The following CSN1S1 variants were observed in gnomAD, a reference collection of about 807,000 sequenced individuals.
The protein encoded by CSN1S1 is alpha-S1-casein.
In CSN1S1, 63 loss-of-function variants were observed where a neutral mutation model predicts 49.1. The ratio of observed to expected loss-of-function variants is 1.28; its 90% CI spans 1.05 to 1.58. The LOEUF (loss-of-function observed/expected upper bound fraction) is 1.58. Among genes scored for constraint, CSN1S1 ranks in the 40% most tolerant of loss-of-function variants. The pLI is 0.00. For synonymous variants in CSN1S1, 78 were observed against 67.1 expected, an observed-to-expected ratio of 1.16 and a Z score of -0.79; for missense variants, 260 against 224.7, an observed-to-expected ratio of 1.16 and a Z score of -1.01.
intron 2 of CSN1S1, among the ~76,000 whole-genome samples, chr4:69,933,410 C>A (rs1039222582): frequency 6.6e-5 from 10 of 151,996 alleles, no homozygotes; most frequent in African/African-American, 2.4e-4. Flanking sequence ...TATAGCCTGT[C>A]ATTTACACTG....
chr4:69,943,163 ATATTATTATTATTATTAT>A (rs3078677), intron 14 of CSN1S1, among the ~76,000 whole-genome samples: 2,219 of 144,860 alleles, frequency 0.015, 59 homozygotes, highest in African/African-American at 0.054. Flanking sequence ...TTCCATGTGA[ATATTATTATTATTATTAT>A]TATTATTATT....
Position 69,939,117 on chromosome 4 carries a change from G to A in CSN1S1, c.244-59G>A, listed in dbSNP as rs141212062. On this transcript the variant is annotated intron_variant, in intron 9 of 15. Transcript: ENST00000246891. The stretch of plus-strand genomic sequence containing the variant: ...ATTTCACCATGATGACATGGAACTA[G>A]TTTCCTTCAAATTCTAAAAATCCCA... 9.0e-3 allele frequency: 11,618 copies of A among 1,284,878 alleles called. 74 individuals are homozygous for A. The highest frequency in any genetic ancestry group is 1.0e-2 in the Non-Finnish European group (8,945 of 896,366). The allele number at this position is 1,284,878 out of a possible 1,614,324, so 79.6% of individuals were successfully genotyped here. A position where few individuals can be genotyped will look rare whatever the true frequency, so the allele number is the denominator to read the frequency against.
intron 14 of CSN1S1, 124 bp downstream of exon 14, chr4:69,942,701 T>C: frequency 1.4e-6 from 1 of 714,966 alleles, no homozygotes; most frequent in African/African-American, 1.8e-5. Flanking sequence ...CACTCCCAAC[T>C]TAAATCTCAG....
chr4:69,938,426 A>T (rs1350547871), intron 9 of CSN1S1, among the ~76,000 whole-genome samples: 1 of 146,762 alleles, frequency 6.8e-6, no homozygotes, highest in African/African-American at 2.5e-5. Flanking sequence ...CCAACTTAAT[A>T]GTTTGTCAAC....
At chr4:69,936,981 A>T in intron 7 of CSN1S1, 140 bp from the exon 8 acceptor site, 1 of 679,562 alleles carries the variant, frequency 1.5e-6, no homozygotes. Flanking sequence ...ATTTTCTTTA[A>T]CCATAACATC....
At chr4:69,931,532 T>C (rs1199410744) in intron 1 of CSN1S1, among the ~76,000 whole-genome samples, 2 of 151,906 alleles carry the variant, frequency 1.3e-5, no homozygotes, top group African/African-American at 2.4e-5. Flanking sequence ...TTTCATGTCA[T>C]TTGGGCAACA....
chr4:69,934,655 G>C, intron 3 of CSN1S1, 35 bp from the exon 4 acceptor site: 1 of 1,585,082 alleles, frequency 6.3e-7, no homozygotes. Context: ...CCTGCAATTG[G>C]AATAATACCA....
chr4:69,945,851 T>TGTGTGTG (rs1560392658), intron 15 of CSN1S1, among the ~76,000 whole-genome samples: 4 of 84,764 alleles, frequency 4.7e-5, no homozygotes, highest in African/African-American at 2.7e-4. Flanking sequence ...AATTGTGTGT[T>TGTGTGTG]TGTGTGTGTG....
In CSN1S1 at chr4:69,940,058, G is replaced by A. The variant is rs1359901942; in HGVS notation, c.300+14G>A. On this transcript the variant is annotated intron_variant, in intron 11 of 15. Transcript: ENST00000246891. The stretch of plus-strand genomic sequence containing the variant: ...AGTAAGTGTGCGGTAAGACATATTT[G>A]CTAAATTTAAAATATATTAATATTT... 3 of 1,300,900 alleles carry A rather than the reference G, an allele frequency of 2.3e-6. No homozygotes were observed. Among genetic ancestry groups the A allele is most frequent in the African/African-American group, 1.5e-5 (1 of 64,598 alleles). 80.6% of individuals were successfully genotyped at this position (1,300,900 alleles called of 1,614,324 possible). A position where few individuals can be genotyped will look rare whatever the true frequency, so the allele number is the denominator to read the frequency against.
chr4:69,939,127 A>G, intron 9 of CSN1S1, 49 bp from the exon 10 acceptor site: 1 of 1,436,884 alleles, frequency 7.0e-7, no homozygotes. Context: ...GTTTCCTTCA[A>G]ATTCTAAAAA....
intron 7 of CSN1S1, 48 bp downstream of exon 7, chr4:69,936,655 T>C (rs1034465188): frequency 6.6e-7 from 1 of 1,518,480 alleles, no homozygotes; most frequent in South Asian, 1.3e-5. Flanking sequence ...TATATTCTTG[T>C]AGTAGAAAAA....
At chr4:69,944,634 A>C (rs1037361681) in intron 14 of CSN1S1, among the ~76,000 whole-genome samples, 3 of 151,984 alleles carry the variant, frequency 2.0e-5, no homozygotes, top group Admixed American at 2.0e-4. Flanking sequence ...TGATTTATTC[A>C]TTGCCCCTCA....
At chr4:69,933,849 T>C (rs1489053274) in intron 2 of CSN1S1, among the ~76,000 whole-genome samples, 1 of 152,008 alleles carries the variant, frequency 6.6e-6, no homozygotes, top group Non-Finnish European at 1.5e-5. Flanking sequence ...AAAATCATCT[T>C]TAGAACTATG....
intron 12 of CSN1S1, 61 bp from the exon 13 acceptor site, chr4:69,941,985 G>A (rs763206568): frequency 5.3e-6 from 6 of 1,127,736 alleles, no homozygotes; most frequent in Non-Finnish European, 7.5e-6. Context: ...CCCAGCAAAT[G>A]TTTCTTATTA....
Position 69,932,561 on chromosome 4 carries a change from G to A in CSN1S1, c.6G>A (p.Arg2=). ...TTACATAGGCTCTGATAACCATGAG[G>A]CTTCTCATTCTCACCTGTCTTGTGG... M[R]LLILTCLVAV... is the part of the protein sequence containing the mutation. The change falls in exon 2 of 16, where the codon AGG becomes AGA. Residue 2 remains arginine, a synonymous_variant. Transcript: ENST00000246891. 1 of 1,602,966 alleles carries A rather than the reference G, an allele frequency of 6.2e-7. No individual in the cohort carries two copies. The highest frequency in any genetic ancestry group is 1.1e-5 in the South Asian group (1 of 89,310).
Position 69,945,775 on chromosome 4 carries a change from A to T in CSN1S1, c.*-421A>T, listed in dbSNP as rs569476903. 1.5e-4 allele frequency among the ~76,000 whole-genome samples: 23 copies of T among 152,094 alleles called. No homozygotes were observed. The South Asian group carries it at 4.8e-3, about 31-fold the overall frequency. ...AAGTCACATAGATAAATAAAGTGTT[A>T]GTCTGTCAACACCACTTAAAAAGGT... On this transcript the variant is annotated intron_variant, in intron 15 of 15. Coordinates refer to ENST00000246891, the MANE Select transcript of CSN1S1 (RefSeq NM_001890.2).
At chr4:69,942,438 T>C in intron 13 of CSN1S1, 98 bp from the exon 14 acceptor site, 1 of 974,344 alleles carries the variant, frequency 1.0e-6, no homozygotes, top group Non-Finnish European at 1.6e-6. Context: ...ATTCTAAATT[T>C]CATGAATGAT....
intron 15 of CSN1S1, 109 bp from the exon 16 acceptor site, chr4:69,946,087 C>T (rs905537200): frequency 2.9e-6 from 1 of 350,792 alleles, no homozygotes; most frequent in African/African-American, 2.1e-5. Context: ...ACATTGTGAG[C>T]TTGTCTAATA....
intron 2 of CSN1S1, among the ~76,000 whole-genome samples, chr4:69,933,189 T>C (rs1722663738): frequency 6.6e-6 from 1 of 151,978 alleles, no homozygotes; most frequent in Non-Finnish European, 1.5e-5. Context: ...TGAATTAAAA[T>C]TACCTTTCTT....
Sources: allele counts gnomAD v4.1 joint callset (sites outside exome capture counted in the v4.1 genomes callset), GRCh38; gene constraint gnomAD v4.1.1; transcripts MANE v1.5; gene names NCBI Gene and HGNC (gene_info 2026-07-23, HGNC 2026-07-21).